Variants in FAHD2A observed in about 807,000 individuals in gnomAD.
FAHD2A encodes the protein oxaloacetate tautomerase FAHD2A, mitochondrial.
Under a neutral mutation model 33.4 loss-of-function variants are expected in FAHD2A, and 27 were observed. That is an observed-to-expected ratio of 0.81 (90% CI 0.60 to 1.11). FAHD2A has a LOEUF of 1.11. FAHD2A is among the 50% of genes most tolerant of loss of function. The pLI is 0.00. For synonymous variants in FAHD2A, 130 were observed against 153.3 expected (o/e 0.85, Z 1.12); for missense variants, 296 against 395.0 (o/e 0.75, Z 2.12).
At chr2:95,406,884 C>T in intron 2 of FAHD2A, 57 bp from the exon 3 acceptor site, 1 of 1,523,268 alleles carries the variant, frequency 6.6e-7, no homozygotes, top group Non-Finnish European at 8.8e-7. Context: ...GCCCAGCCTG[C>T]CCGGGATTGC....
At chr2:95,409,969 C>A (rs1283071799) in intron 3 of FAHD2A, among the ~76,000 whole-genome samples, 1 of 152,224 alleles carries the variant, frequency 6.6e-6, no homozygotes, top group African/African-American at 2.4e-5. Flanking sequence ...GGTGTACTTA[C>A]ACCAACTCTG....
downstream of FAHD2A, among the ~76,000 whole-genome samples, chr2:95,420,362 T>TA (rs760447950): frequency 1.6e-4 from 25 of 152,084 alleles, no homozygotes; most frequent in Non-Finnish European, 3.2e-4. Context: ...GGAGAAATCA[T>TA]ACCTTAAAGT....
At chr2:95,416,906 A>G (rs1289827902), downstream of FAHD2A, among the ~76,000 whole-genome samples, 1 of 152,200 alleles carries the variant, frequency 6.6e-6, no homozygotes, top group African/African-American at 2.4e-5. Flanking sequence ...CTAAGGATCC[A>G]CCCAGGACAA....
intron 5 of FAHD2A, among the ~76,000 whole-genome samples, chr2:95,411,455 A>T (rs1682496481): frequency 6.6e-6 from 1 of 152,248 alleles, no homozygotes; most frequent in Non-Finnish European, 1.5e-5. Context: ...CACAGTCAGG[A>T]TACAGCGCCA....
chr2:95,406,996 C>T lies in FAHD2A; in HGVS notation c.301C>T (p.Pro101Ser), dbSNP rs761884564. The change falls in exon 3 of 8, where the codon CCA (proline) becomes TCA (serine). Residue 101 changes from proline (P) to serine (S), a missense_variant. By Grantham distance (74) the Pro-to-Ser change is moderately conservative. Transcript: ENST00000233379. The part of the protein sequence containing the change: ...LPRSEVTFLA[P>S]VTRPDKVVCV... ...ACGGTCGGAGGTAACCTTCCTGGCTCCAGTCACACGACCAGATAAGGTGGT... is the reference window on the plus strand; with the variant it reads ...ACGGTCGGAGGTAACCTTCCTGGCTTCAGTCACACGACCAGATAAGGTGGT... 13 of 1,613,972 alleles carry T rather than the reference C, an allele frequency of 8.1e-6. No homozygotes were observed. The highest frequency in any genetic ancestry group is 1.3e-5 in the African/African-American group (1 of 75,034).
downstream of FAHD2A, among the ~76,000 whole-genome samples, chr2:95,418,453 G>C (rs556875358): frequency 2.6e-5 from 4 of 152,128 alleles, no homozygotes; most frequent in African/African-American, 9.7e-5. Flanking sequence ...ATTGAAAGAA[G>C]AGAATGTGAC....
At chr2:95,417,934 T>C (rs1401459397), downstream of FAHD2A, among the ~76,000 whole-genome samples, 5 of 152,120 alleles carry the variant, frequency 3.3e-5, no homozygotes, top group Admixed American at 2.0e-4. Context: ...TATACAAATA[T>C]GCAGTCCACA....
chr2:95,412,375 A>C, intron 5 of FAHD2A, 59 bp from the exon 6 acceptor site: 1 of 1,605,946 alleles, frequency 6.2e-7, no homozygotes, highest in Non-Finnish European at 8.5e-7. Context: ...TGTTTGTAAA[A>C]TATTGGGGGG....
chr2:95,410,456 T>C (rs1467892861), intron 3 of FAHD2A, 71 bp from the exon 4 acceptor site: 12 of 1,553,316 alleles, frequency 7.7e-6, no homozygotes, highest in Non-Finnish European at 9.6e-6. Flanking sequence ...TTCAGCATGG[T>C]GTGCAGCCTC....
At chr2:95,404,191 G>A (rs1681155957) in intron 1 of FAHD2A, among the ~76,000 whole-genome samples, 1 of 152,204 alleles carries the variant, frequency 6.6e-6, no homozygotes, top group Non-Finnish European at 1.5e-5. Flanking sequence ...AAGGCACCAT[G>A]TGGTAAGGAA....
At chr2:95,418,748 A>C (rs942092789), downstream of FAHD2A, among the ~76,000 whole-genome samples, 1 of 152,094 alleles carries the variant, frequency 6.6e-6, no homozygotes, top group African/African-American at 2.4e-5. Context: ...ATGAAACCTA[A>C]CTACACAAAG....
At chr2:95,412,317 A>G in intron 5 of FAHD2A, 117 bp from the exon 6 acceptor site, 1 of 1,208,330 alleles carries the variant, frequency 8.3e-7, no homozygotes, top group Admixed American at 2.1e-5. Flanking sequence ...CAATGTGGGC[A>G]CTTTGAAGCC....
At position 95,413,536 on chromosome 2, in the gene FAHD2A, G is replaced by A; in HGVS notation, c.*579G>A. 1.3e-6 allele frequency: 2 copies of A among 1,599,136 alleles called. No individual in the cohort carries two copies. The highest frequency in any genetic ancestry group is 8.5e-7 in the Non-Finnish European group (1 of 1,173,542). On this transcript the variant is annotated 3_prime_UTR_variant, in exon 8 of 8. Coordinates refer to ENST00000233379, the MANE Select transcript of FAHD2A (RefSeq NM_016044.3). Reference sequence around the variant, plus strand: ...AAAAGTAGGGGACAGGTGGAGCCTGGGGCCTGCAGGGCTCGGCGTCTGCTG... The same window carrying A: ...AAAAGTAGGGGACAGGTGGAGCCTGAGGCCTGCAGGGCTCGGCGTCTGCTG...
chr2:95,414,990 C>T lies in FAHD2A; in HGVS notation c.*2033C>T, dbSNP rs1683019011. On this transcript the variant is annotated 3_prime_UTR_variant, in exon 8 of 8. Transcript: ENST00000233379. ...CGGAGCCCTCCACCCCTCTCACACA[C>T]TCATCCTCACACCCAGCTATACCAC... The T allele has an allele frequency of 6.6e-6, 1 of 152,274 alleles. No homozygotes were observed. Among genetic ancestry groups the T allele is most frequent in the South Asian group, 2.1e-4 (1 of 4,832 alleles). 9.4% of individuals were successfully genotyped at this position (152,274 alleles called of 1,614,324 possible). A position where few individuals can be genotyped will look rare whatever the true frequency, so the allele number is the denominator to read the frequency against.
At chr2:95,408,425 C>T (rs537626386) in intron 3 of FAHD2A, among the ~76,000 whole-genome samples, 28 of 152,244 alleles carry the variant, frequency 1.8e-4, no homozygotes, top group African/African-American at 6.3e-4. Context: ...TTTCATGCTG[C>T]TGATAAAGAC....
At chr2:95,410,713 C>G in intron 4 of FAHD2A, 127 bp downstream of exon 4, 6 of 1,535,560 alleles carry the variant, frequency 3.9e-6, no homozygotes, top group Non-Finnish European at 5.3e-6. Context: ...AGCAGTCAGC[C>G]TCCTTGCTCC....
downstream of FAHD2A, among the ~76,000 whole-genome samples, chr2:95,417,191 C>CAAGG (rs1683234316): frequency 6.6e-6 from 1 of 152,208 alleles, no homozygotes; most frequent in Non-Finnish European, 1.5e-5. Flanking sequence ...GAACATCTGC[C>CAAGG]TCCATCAATG....
intron 1 of FAHD2A, 78 bp from the exon 2 acceptor site, chr2:95,405,475 A>G (rs1464974587): frequency 2.1e-5 from 32 of 1,539,472 alleles, no homozygotes; most frequent in Non-Finnish European, 2.7e-5. Context: ...GCCTCGGGCT[A>G]TAGCCCTAGG....
chr2:95,402,806 C>G lies in FAHD2A; in HGVS notation c.-73C>G, dbSNP rs1175449741. The stretch of plus-strand genomic sequence containing the variant: ...ACTGGTGGCAGTGCTCAGGCGCCCG[C>G]CGCCCTTGACCTTCGGCCCCGCGAG... On this transcript the variant is annotated 5_prime_UTR_variant, in exon 1 of 8. Coordinates refer to ENST00000233379, the MANE Select transcript of FAHD2A (RefSeq NM_016044.3). The G allele has an allele frequency of 6.6e-6, 1 of 152,430 alleles. No homozygotes were observed. The highest frequency in any genetic ancestry group is 2.4e-5 in the African/African-American group (1 of 41,478). 9.4% of individuals were successfully genotyped at this position (152,430 alleles called of 1,614,324 possible). A position where few individuals can be genotyped will look rare whatever the true frequency, so the allele number is the denominator to read the frequency against.
Sources: gnomAD v4.1 joint callset for allele counts (sites outside exome capture counted in the v4.1 genomes callset) on GRCh38, gnomAD v4.1.1 for gene constraint, MANE v1.5 for transcripts, NCBI Gene and HGNC (gene_info 2026-07-23, HGNC 2026-07-21) for gene names.